The following NLGN1 variants were observed in gnomAD, a reference collection of about 807,000 sequenced individuals.
NLGN1 encodes neuroligin 1.
A neutral mutation model predicts 65.5 loss-of-function variants in NLGN1; 12 were observed. The ratio of observed to expected loss-of-function variants is 0.18; its 90% CI spans 0.12 to 0.30. The LOEUF (loss-of-function observed/expected upper bound fraction) is 0.30. NLGN1 is among the 10% of genes least tolerant of loss of function. NLGN1 has a pLI of 1.00. For synonymous variants in NLGN1, 350 were observed against 359.5 expected (o/e 0.97, Z 0.30); for missense variants, 750 against 1,007.1 (o/e 0.74, Z 3.46).
intron 2 of NLGN1, among the ~76,000 whole-genome samples, chr3:173,502,203 A>G (rs1002997115): frequency 1.3e-5 from 2 of 152,230 alleles, no homozygotes; most frequent in Admixed American, 6.6e-5. Flanking sequence ...CTATTTTTCA[A>G]TGTTCAGAAG....
At chr3:173,797,282 C>T (rs1426996760) in intron 3 of NLGN1, among the ~76,000 whole-genome samples, 2 of 151,978 alleles carry the variant, frequency 1.3e-5, no homozygotes, top group African/African-American at 4.8e-5. Flanking sequence ...CAGTTTTGCC[C>T]AAAACTGTTA....
intron 4 of NLGN1, among the ~76,000 whole-genome samples, chr3:174,215,226 C>T (rs1264847658): frequency 6.6e-6 from 1 of 152,060 alleles, no homozygotes; most frequent in Admixed American, 6.5e-5. Flanking sequence ...TCTTATACTG[C>T]AATTTATATT....
intron 4 of NLGN1, among the ~76,000 whole-genome samples, chr3:173,833,224 T>C (rs1356814998): frequency 6.6e-6 from 1 of 152,130 alleles, no homozygotes; most frequent in Non-Finnish European, 1.5e-5. Context: ...CATATGCGAG[T>C]GTGTAACTTC....
chr3:174,017,885 T>A (rs1392082568), intron 4 of NLGN1, among the ~76,000 whole-genome samples: 2 of 152,136 alleles, frequency 1.3e-5, no homozygotes, highest in African/African-American at 4.8e-5. Flanking sequence ...ATTGATAACA[T>A]CTTATCAGGA....
At chr3:174,056,847 T>C (rs114356728) in intron 4 of NLGN1, among the ~76,000 whole-genome samples, 1,586 of 152,194 alleles carry the variant, frequency 0.01, 20 homozygotes, top group Non-Finnish European at 0.014. Context: ...AGCTTTCTAA[T>C]TCATCTTTGG....
chr3:173,754,039 T>G (rs868609811), intron 3 of NLGN1, among the ~76,000 whole-genome samples: 4 of 124,126 alleles, frequency 3.2e-5, no homozygotes, highest in Non-Finnish European at 1.8e-5. Context: ...TTTTTTTTTG[T>G]TTTTTTTTTT....
At chr3:173,703,538 C>CA (rs1173187222) in intron 3 of NLGN1, among the ~76,000 whole-genome samples, 1 of 152,102 alleles carries the variant, frequency 6.6e-6, no homozygotes, top group Non-Finnish European at 1.5e-5. Context: ...TGCTGGATTA[C>CA]ATAAGTATCA....
intron 4 of NLGN1, among the ~76,000 whole-genome samples, chr3:174,028,177 G>A (rs1054677936): frequency 6.6e-6 from 1 of 152,190 alleles, no homozygotes; most frequent in African/African-American, 2.4e-5. Flanking sequence ...TACTGGTTGA[G>A]TGGGGTGCTG....
intron 3 of NLGN1, among the ~76,000 whole-genome samples, chr3:173,616,225 T>C (rs550880078): frequency 3.2e-4 from 48 of 152,288 alleles, no homozygotes; most frequent in African/African-American, 1.1e-3. Context: ...AAAATATTTT[T>C]GAGTGCTTTT....
intron 4 of NLGN1, among the ~76,000 whole-genome samples, chr3:173,886,652 T>A (rs2150955081): frequency 1.3e-5 from 2 of 152,068 alleles, no homozygotes; most frequent in South Asian, 4.1e-4. Context: ...ATTTTACCAG[T>A]AAAATATAAA....
At chr3:174,211,376 G>C (rs1048381165) in intron 4 of NLGN1, among the ~76,000 whole-genome samples, 2 of 151,972 alleles carry the variant, frequency 1.3e-5, no homozygotes, top group Non-Finnish European at 2.9e-5. Flanking sequence ...AGGTTCTCCA[G>C]GTCCCCATCA....
chr3:174,110,510 C>A (rs1289120157), intron 4 of NLGN1, among the ~76,000 whole-genome samples: 1 of 151,916 alleles, frequency 6.6e-6, no homozygotes, highest in Non-Finnish European at 1.5e-5. Flanking sequence ...ACTCTTCAAG[C>A]ATTTTCGTTG....
chr3:173,831,682 A>G (rs1425847188), intron 4 of NLGN1, among the ~76,000 whole-genome samples: 13 of 152,210 alleles, frequency 8.5e-5, no homozygotes, highest in Admixed American at 8.5e-4. Context: ...TTTCATAACA[A>G]TCACGTGCAT....
chr3:174,277,822 AAG>A (rs1491019257), intron 5 of NLGN1, among the ~76,000 whole-genome samples: 2 of 151,916 alleles, frequency 1.3e-5, no homozygotes, highest in Non-Finnish European at 2.9e-5. Context: ...CCTTTGTGAA[AAG>A]AGTTTTTATC....
chr3:174,210,984 G>A (rs1326482850), intron 4 of NLGN1, among the ~76,000 whole-genome samples: 1 of 152,158 alleles, frequency 6.6e-6, no homozygotes, highest in Non-Finnish European at 1.5e-5. Flanking sequence ...GGACCCTCGC[G>A]GTGAGTGTTA....
intron 2 of NLGN1, among the ~76,000 whole-genome samples, chr3:173,469,462 T>C (rs60827305): frequency 0.16 from 23,985 of 151,976 alleles, 1,975 homozygotes; most frequent in Middle Eastern, 0.26. Flanking sequence ...GCATATTTAG[T>C]TGGCCAATTA....
chr3:173,556,812 G>GAAT (rs1741785152), intron 2 of NLGN1, among the ~76,000 whole-genome samples: 1 of 128,010 alleles, frequency 7.8e-6, no homozygotes, highest in South Asian at 2.6e-4. Flanking sequence ...TCAAAAAAAG[G>GAAT]AAAAATTGCT....
intron 3 of NLGN1, among the ~76,000 whole-genome samples, chr3:173,635,669 A>G (rs1394567103): frequency 2.0e-5 from 3 of 152,146 alleles, no homozygotes; most frequent in Admixed American, 1.3e-4. Context: ...GGTGCTTTCT[A>G]TACTTAGAAA....
At chr3:174,197,601 T>C (rs970330493) in intron 4 of NLGN1, among the ~76,000 whole-genome samples, 1 of 150,674 alleles carries the variant, frequency 6.6e-6, no homozygotes, top group Non-Finnish European at 1.5e-5. Context: ...AGGGAGGTGA[T>C]TGGAACGCAG....
Sources: gnomAD v4.1 joint callset for allele counts (sites outside exome capture counted in the v4.1 genomes callset) on GRCh38, gnomAD v4.1.1 for gene constraint, MANE v1.5 for transcripts, NCBI Gene and HGNC (gene_info 2026-07-23, HGNC 2026-07-21) for gene names.